GADL1: variants seen among roughly 807,000 people sequenced by gnomAD.
The protein encoded by GADL1 is GAD like acidic amino acid decarboxylase 1.
Under a neutral mutation model 69.5 loss-of-function variants are expected in GADL1, and 71 were observed. The ratio of observed to expected loss-of-function variants is 1.02; its 90% CI spans 0.84 to 1.25. The LOEUF is 1.25. Ranked by LOEUF, GADL1 falls within the 50% of genes most tolerant of loss-of-function variation. The probability of loss-of-function intolerance (pLI) is 0.00; values close to 1 mark genes in which losing one functional copy is unlikely to be tolerated. For synonymous variants in GADL1, 254 were observed against 214.4 expected (o/e 1.18, Z -1.62); for missense variants, 737 against 631.8 (o/e 1.17, Z -1.79).
rs77022257 is a variant in GADL1, at chr3:30,728,193, T to G, written c.*49A>C. 1.3e-5 allele frequency: 19 copies of G among 1,519,008 alleles called. No individual in the cohort carries two copies. The East Asian group carries it at 4.3e-4, about 34-fold the overall frequency. The allele number at this position is 1,519,008 out of a possible 1,614,324, so 94.1% of individuals were successfully genotyped here. The stretch of plus-strand genomic sequence containing the variant: ...GTGTATCTCCAAGATGTTCTGGATC[T>G]AAACTCTCCCAGGATAGGATCTATG... On this transcript the variant is annotated 3_prime_UTR_variant, in exon 15 of 15. Transcript: ENST00000282538.
chr3:30,878,409 T>A (rs111659468), intron 1 of GADL1, among the ~76,000 whole-genome samples: 1 of 151,922 alleles, frequency 6.6e-6, no homozygotes, highest in Non-Finnish European at 1.5e-5. Context: ...AGTAGTCTTT[T>A]TGGCCCATGA....
At chr3:30,788,256 G>A (rs183662824) in intron 12 of GADL1, among the ~76,000 whole-genome samples, 24 of 152,208 alleles carry the variant, frequency 1.6e-4, no homozygotes, top group Admixed American at 1.2e-3. Flanking sequence ...GGCATCCCTC[G>A]GGGGTATTGT....
chr3:30,825,903 A>T (rs542432014), intron 11 of GADL1, among the ~76,000 whole-genome samples: 1 of 151,972 alleles, frequency 6.6e-6, no homozygotes, highest in Non-Finnish European at 1.5e-5. Flanking sequence ...ACAAATCTGC[A>T]TGCTTAGCAC....
At chr3:30,789,789 A>G (rs999872258) in intron 12 of GADL1, among the ~76,000 whole-genome samples, 3 of 152,082 alleles carry the variant, frequency 2.0e-5, no homozygotes, top group African/African-American at 4.8e-5. Context: ...CTAGCTTCCA[A>G]CTTTCCTTAT....
intron 14 of GADL1, among the ~76,000 whole-genome samples, chr3:30,764,398 T>C (rs1200624609): frequency 6.6e-6 from 1 of 152,150 alleles, no homozygotes; most frequent in Admixed American, 6.5e-5. Context: ...ATGTAACTCA[T>C]AAGAAAAGCG....
chr3:30,733,592 C>CCTTCCTTT (rs1053859436), intron 14 of GADL1, among the ~76,000 whole-genome samples: 7 of 126,630 alleles, frequency 5.5e-5, no homozygotes, highest in African/African-American at 2.4e-4. Context: ...TTTTCTCCTT[C>CCTTCCTTT]CTTCCTTCCT....
chr3:30,768,046 C>T (rs951597799), intron 14 of GADL1, among the ~76,000 whole-genome samples: 1 of 140,400 alleles, frequency 7.1e-6, no homozygotes, highest in African/African-American at 2.7e-5. Flanking sequence ...CCCCCCCCCC[C>T]CTTATCCTTA....
intron 8 of GADL1, among the ~76,000 whole-genome samples, chr3:30,839,582 T>C (rs1006591684): frequency 2.0e-5 from 3 of 150,382 alleles, no homozygotes; most frequent in African/African-American, 7.4e-5. Flanking sequence ...GCTCATCTCC[T>C]TGTAAAGTAA....
chr3:30,792,794 G>C (rs1466263203), intron 12 of GADL1, among the ~76,000 whole-genome samples: 1 of 152,120 alleles, frequency 6.6e-6, no homozygotes, highest in Non-Finnish European at 1.5e-5. Flanking sequence ...AGCACTTTAA[G>C]TTCTATTTAG....
intron 14 of GADL1, among the ~76,000 whole-genome samples, chr3:30,739,238 G>A (rs1268361300): frequency 6.6e-6 from 1 of 152,164 alleles, no homozygotes; most frequent in Non-Finnish European, 1.5e-5. Context: ...ATGCTGCTTT[G>A]ACCTAAGAGA....
intron 1 of GADL1, among the ~76,000 whole-genome samples, chr3:30,892,502 T>C (rs1266350506): frequency 6.6e-6 from 1 of 152,218 alleles, no homozygotes; most frequent in Non-Finnish European, 1.5e-5. Context: ...TTGTGGTGTT[T>C]TCAGAAATTC....
At chr3:30,804,301 C>A (rs1373956859) in intron 11 of GADL1, among the ~76,000 whole-genome samples, 1 of 143,602 alleles carries the variant, frequency 7.0e-6, no homozygotes, top group African/African-American at 2.8e-5. Flanking sequence ...ACCAAAGCTT[C>A]CAGGTAGAAT....
At chr3:30,761,679 AG>A (rs1696138035) in intron 14 of GADL1, among the ~76,000 whole-genome samples, 1 of 149,680 alleles carries the variant, frequency 6.7e-6, no homozygotes, top group Non-Finnish European at 1.5e-5. Context: ...AAAAGGAATG[AG>A]ATTTTTTTAG....
intron 1 of GADL1, among the ~76,000 whole-genome samples, chr3:30,865,201 C>T (rs993214936): frequency 2.0e-5 from 3 of 151,960 alleles, no homozygotes; most frequent in Admixed American, 2.0e-4. Flanking sequence ...TCATATGAAG[C>T]TGCAATCACC....
chr3:30,766,588 G>C (rs1463720621), intron 14 of GADL1, among the ~76,000 whole-genome samples: 1 of 152,092 alleles, frequency 6.6e-6, no homozygotes, highest in Admixed American at 6.6e-5. Flanking sequence ...AACAGGTATG[G>C]AGTGGTAATG....
intron 14 of GADL1, among the ~76,000 whole-genome samples, chr3:30,749,725 C>T (rs1695770928): frequency 6.6e-6 from 1 of 152,168 alleles, no homozygotes; most frequent in Admixed American, 6.5e-5. Context: ...CACCTGAAGG[C>T]AGGCAGAAGT....
intron 14 of GADL1, among the ~76,000 whole-genome samples, chr3:30,752,321 ATC>A (rs36100209): frequency 0.22 from 33,384 of 152,112 alleles, 4,388 homozygotes; most frequent in Non-Finnish European, 0.29. Context: ...GTAGGGGCCT[ATC>A]TCTCTTGCTG....
chr3:30,769,900 C>T (rs1696378837), intron 14 of GADL1, among the ~76,000 whole-genome samples: 1 of 48,740 alleles, frequency 2.1e-5, no homozygotes, highest in Non-Finnish European at 3.6e-5. Context: ...AAGGAGCTTC[C>T]AGTGACACAC....
chr3:30,835,466 CA>C (rs1379821508), intron 9 of GADL1, among the ~76,000 whole-genome samples: 4 of 151,978 alleles, frequency 2.6e-5, no homozygotes, highest in African/African-American at 9.7e-5. Context: ...CAGAGTATTA[CA>C]AAATTTGGGC....
Sources: allele counts gnomAD v4.1 joint callset (sites outside exome capture counted in the v4.1 genomes callset), GRCh38; gene constraint gnomAD v4.1.1; transcripts MANE v1.5; gene names NCBI Gene and HGNC (gene_info 2026-07-23, HGNC 2026-07-21).